LRRC41: variants seen among roughly 807,000 people sequenced by gnomAD.
LRRC41 encodes the protein leucine rich repeat containing 41.
A neutral mutation model predicts 72.1 loss-of-function variants in LRRC41; 17 were observed. The observed-to-expected ratio is 0.24, with a 90% CI of 0.16 to 0.35. The LOEUF (loss-of-function observed/expected upper bound fraction) is 0.35. LRRC41 is among the 10% of genes least tolerant of loss of function. The pLI, the probability that LRRC41 is intolerant of heterozygous loss-of-function variation, is 1.00. For synonymous variants in LRRC41, 427 were observed against 431.0 expected (o/e 0.99, Z 0.11); for missense variants, 759 against 1,065.0 (o/e 0.71, Z 4.00).
rs1661012339 is a variant in LRRC41, at chr1:46,291,375, C to G, written c.358-4876G>C. ...AAGAGACAGGGTCTTGTCCCATCAC[C>G]CAGGGCTGCAGTGCAGTGGTGAGAT... is the stretch of plus-strand genomic sequence containing the variant. On this transcript the variant is annotated intron_variant, in intron 3 of 9. Coordinates refer to ENST00000617190, the MANE Select transcript of LRRC41 (RefSeq NM_006369.5). Among the ~76,000 whole-genome samples the G allele has an allele frequency of 1.3e-5, 2 of 151,774 alleles. 1 individual carries two copies. The highest frequency in any genetic ancestry group is 2.9e-5 in the Non-Finnish European group (2 of 67,966).
chr1:46,281,020 G>A (rs896616121), intron 5 of LRRC41, 105 bp downstream of exon 5: 62 of 1,471,226 alleles, frequency 4.2e-5, no homozygotes, highest in Non-Finnish European at 5.6e-5. Context: ...AGCCAGGAAT[G>A]AGTGATAGAA....
rs756743410 is a variant in LRRC41 at position 46,302,576 on chromosome 1, T to A, written c.199+548A>T. 4.7e-4 allele frequency: 460 copies of A among 984,890 alleles called. No individual in the cohort carries two copies. Among genetic ancestry groups the A allele is most frequent in the Non-Finnish European group, 5.3e-4 (438 of 829,776 alleles). The allele number at this position is 984,890 out of a possible 1,614,324, so 61.0% of individuals were successfully genotyped here. On this transcript the variant is annotated intron_variant, in intron 1 of 9. Transcript: ENST00000617190. This position sits in a 1 kb window ranked among gnomAD's most constrained non-coding sequence, Gnocchi z 4.7. ...TGCCCCATTCCCTCGCTCTCCAATC[T>A]GCTGTCCTCCCCTCCGCCCATCGGC...
intron 3 of LRRC41, among the ~76,000 whole-genome samples, chr1:46,290,330 G>A (rs1376936611): frequency 5.9e-5 from 9 of 152,092 alleles, no homozygotes; most frequent in African/African-American, 2.2e-4. Context: ...GATCGCCTGA[G>A]CCTGGGAGGT....
chr1:46,288,278 CAG>C (rs1266278439), intron 3 of LRRC41, among the ~76,000 whole-genome samples: 3 of 152,300 alleles, frequency 2.0e-5, no homozygotes, highest in East Asian at 1.9e-4. Flanking sequence ...TAAGTCATCT[CAG>C]GGGCAGTAGA....
Position 46,279,517 on chromosome 1 carries a change from G to A in LRRC41, c.2118C>T (p.Gly706=), listed in dbSNP as rs1557711866. 1 of 1,614,124 alleles carries A rather than the reference G, an allele frequency of 6.2e-7. No individual in the cohort carries two copies. The highest frequency in any genetic ancestry group is 1.1e-5 in the South Asian group (1 of 91,096). ...CCAGGCGGTTCCCTGGCAGCCGGAG[G>A]CCCTTCAGTGTGGAGTTGCCCTTCA... ...AAMKGNSTLK[G]LRLPGNRLGN... The change falls in exon 8 of 10, where the codon GGC becomes GGT. Residue 706 remains glycine, a synonymous_variant. Coordinates refer to ENST00000617190, the MANE Select transcript of LRRC41 (RefSeq NM_006369.5). This position sits in a 1 kb window ranked among gnomAD's most constrained non-coding sequence, Gnocchi z 4.5.
intron 1 of LRRC41, chr1:46,298,830 C>T (rs1475890373): frequency 6.5e-6 from 1 of 154,226 alleles, no homozygotes; most frequent in Non-Finnish European, 1.4e-5. Context: ...CTTTCTGCCC[C>T]TGTACCTTTG....
chr1:46,285,355 T>C lies in LRRC41; in HGVS notation c.1495+7A>G, dbSNP rs1421997260. 1 of 1,613,694 alleles carries C rather than the reference T, an allele frequency of 6.2e-7. No individual in the cohort carries two copies. The highest frequency in any genetic ancestry group is 8.5e-7 in the Non-Finnish European group (1 of 1,179,838). ...AAGCCCAATCCCTGCCACTCCAGGG[T>C]GCTCACCATTGTAGGAGAGTGTGAG... On this transcript the variant is annotated splice_region_variant and intron_variant, in intron 4 of 9. Coordinates refer to ENST00000617190, the MANE Select transcript of LRRC41 (RefSeq NM_006369.5). The surrounding 1 kb of genome is among the most constrained non-coding windows in gnomAD (Gnocchi z 5.3).
At position 46,279,379 on chromosome 1, in the gene LRRC41, C is replaced by A; in HGVS notation, c.2143+113G>T. The A allele has an allele frequency of 6.3e-7, 1 of 1,587,250 alleles. No homozygotes were observed. Among genetic ancestry groups the A allele is most frequent in the Non-Finnish European group, 8.7e-7 (1 of 1,156,040 alleles). ...TCCTGAAGCCCCAGCACAGAAATAT[C>A]TGTATTCCAACTCCCACGTTCCCAG... On this transcript the variant is annotated intron_variant, in intron 8 of 9. Transcript: ENST00000617190. The surrounding 1 kb of genome is among the most constrained non-coding windows in gnomAD (Gnocchi z 4.5).
At chr1:46,296,515 C>T (rs1557718586) in intron 3 of LRRC41, among the ~76,000 whole-genome samples, 2 of 152,104 alleles carry the variant, frequency 1.3e-5, no homozygotes, top group Non-Finnish European at 2.9e-5. Context: ...GATCTGGTAC[C>T]TGGTTAAGTT....
chr1:46,288,983 G>A (rs1660943903), intron 3 of LRRC41, among the ~76,000 whole-genome samples: 1 of 152,224 alleles, frequency 6.6e-6, no homozygotes, highest in South Asian at 2.1e-4. Context: ...AGCTTTATAA[G>A]TGAGTGAGTC....
chr1:46,296,874 T>C (rs1278280871), intron 3 of LRRC41: 1 of 152,224 alleles, frequency 6.6e-6, no homozygotes. Flanking sequence ...ACAAGTCTAT[T>C]AATCCCTCCT....
chr1:46,297,640 G>A lies in LRRC41; in HGVS notation c.287-7C>T. On this transcript the variant is annotated splice_region_variant and splice_polypyrimidine_tract_variant and intron_variant, in intron 2 of 9. Transcript: ENST00000617190. ...ATGGCCTGAGTTGAGAGGCCTGTAA[G>A]GAGAAATATCACACTTGGCTGCTTA... The A allele has an allele frequency of 1.2e-6, 2 of 1,611,812 alleles. No homozygotes were observed. The highest frequency in any genetic ancestry group is 1.7e-6 in the Non-Finnish European group (2 of 1,177,900).
Position 46,279,392 on chromosome 1 carries a change from C to T in LRRC41, c.2143+100G>A, listed in dbSNP as rs1569631924. 5.7e-6 allele frequency: 9 copies of T among 1,590,670 alleles called. No individual in the cohort carries two copies. Among genetic ancestry groups the T allele is most frequent in the Non-Finnish European group, 5.2e-6 (6 of 1,159,090 alleles). ...GCACAGAAATATCTGTATTCCAACTCCCACGTTCCCAGTGGAGAGGTCTTT... is the reference window on the plus strand; with the variant it reads ...GCACAGAAATATCTGTATTCCAACTTCCACGTTCCCAGTGGAGAGGTCTTT... On this transcript the variant is annotated intron_variant, in intron 8 of 9. Coordinates refer to ENST00000617190, the MANE Select transcript of LRRC41 (RefSeq NM_006369.5). This position sits in a 1 kb window ranked among gnomAD's most constrained non-coding sequence, Gnocchi z 4.5.
chr1:46,285,880 C>T lies in LRRC41; in HGVS notation c.977G>A (p.Ser326Asn), dbSNP rs754576049. The stretch of plus-strand genomic sequence containing the variant: ...GCCTGCTGTCAGGCTCTCCTGTGTG[C>T]TCCGGCGTGTTACCCGAGTGGCAGG... ...AAPATRVTRR[S>N]TQESLTAGGT... Residue 326 changes from serine to asparagine, a missense_variant, in exon 4 of 10, where the codon AGC (serine) becomes AAC (asparagine). Ser to Asn is a conservative substitution (Grantham distance 46, BLOSUM62 1). Transcript: ENST00000617190. The surrounding 1 kb of genome is among the most constrained non-coding windows in gnomAD (Gnocchi z 5.3). 10 of 1,564,674 alleles carry T rather than the reference C, an allele frequency of 6.4e-6. No individual in the cohort carries two copies. The highest frequency in any genetic ancestry group is 1.4e-5 in the African/African-American group (1 of 73,054).
chr1:46,295,651 G>A (rs1661108579), intron 3 of LRRC41, among the ~76,000 whole-genome samples: 1 of 152,202 alleles, frequency 6.6e-6, no homozygotes, highest in African/African-American at 2.4e-5. Flanking sequence ...AATGCTTTGA[G>A]CCAAGAAGAC....
In LRRC41 at chr1:46,278,546, G is replaced by C. The variant is rs1660693454; in HGVS notation, c.*319C>G. 2 of 613,882 alleles carry C rather than the reference G, an allele frequency of 3.3e-6. No individual in the cohort carries two copies. The highest frequency in any genetic ancestry group is 5.9e-5 in the Admixed American group (2 of 33,918). The allele number at this position is 613,882 out of a possible 1,614,324, so 38.0% of individuals were successfully genotyped here. ...ATACTTCTCTAAAGCCTGGGTGCCTGCTTGAGGAGGGAAGGCAGGAACCCA... is the reference window on the plus strand; with the variant it reads ...ATACTTCTCTAAAGCCTGGGTGCCTCCTTGAGGAGGGAAGGCAGGAACCCA... On this transcript the variant is annotated 3_prime_UTR_variant, in exon 10 of 10. Transcript: ENST00000617190.
At position 46,281,413 on chromosome 1, in the gene LRRC41, A is replaced by T. The variant is rs777152943; in HGVS notation, c.1496-28T>A. The T allele has an allele frequency of 1.6e-5, 25 of 1,610,604 alleles. No homozygotes were observed. The South Asian group carries it at 2.1e-4, about 13-fold the overall frequency. ...ATGGCAAGAAAGAGATTAAGTCAGA[A>T]CCATGTGGGAGTGTCAGCAGGGGTA... On this transcript the variant is annotated intron_variant, in intron 4 of 9. Coordinates refer to ENST00000617190, the MANE Select transcript of LRRC41 (RefSeq NM_006369.5).
At position 46,302,600 on chromosome 1, in the gene LRRC41, G is replaced by A. The variant is rs551321306; in HGVS notation, c.199+524C>T. ...CTGCTGTCCTCCCCTCCGCCCATCGGCTTGGCCTCCGGAATCTCGACCCCC... is the reference window on the plus strand; with the variant it reads ...CTGCTGTCCTCCCCTCCGCCCATCGACTTGGCCTCCGGAATCTCGACCCCC... On this transcript the variant is annotated intron_variant, in intron 1 of 9. Coordinates refer to ENST00000617190, the MANE Select transcript of LRRC41 (RefSeq NM_006369.5). The surrounding 1 kb of genome is among the most constrained non-coding windows in gnomAD (Gnocchi z 4.7). The A allele has an allele frequency of 1.0e-5, 10 of 985,238 alleles. No homozygotes were observed. The highest frequency in any genetic ancestry group is 1.2e-5 in the Non-Finnish European group (10 of 829,880). 61.0% of individuals were successfully genotyped at this position (985,238 alleles called of 1,614,324 possible). A position where few individuals can be genotyped will look rare whatever the true frequency, so the allele number is the denominator to read the frequency against.
Position 46,278,337 on chromosome 1 carries a change from C to T in LRRC41, c.*528G>A. 1.3e-6 allele frequency: 2 copies of T among 1,526,276 alleles called. No individual in the cohort carries two copies. Among genetic ancestry groups the T allele is most frequent in the Non-Finnish European group, 1.8e-6 (2 of 1,121,582 alleles). 94.5% of individuals were successfully genotyped at this position (1,526,276 alleles called of 1,614,324 possible). Reference sequence around the variant, plus strand: ...AGGAAGGAGATAGGGAAAAGGGGCTCCTTGCTCCACAGGGCCCTGTTGAAT... The same window carrying T: ...AGGAAGGAGATAGGGAAAAGGGGCTTCTTGCTCCACAGGGCCCTGTTGAAT... On this transcript the variant is annotated 3_prime_UTR_variant, in exon 10 of 10. Transcript: ENST00000617190.
Sources: allele counts gnomAD v4.1 joint callset (sites outside exome capture counted in the v4.1 genomes callset), GRCh38; gene constraint gnomAD v4.1.1; non-coding constraint Gnocchi (gnomAD v3.1); transcripts MANE v1.5; gene names NCBI Gene and HGNC (gene_info 2026-07-23, HGNC 2026-07-21).